The following CATSPERE variants were observed in gnomAD, a reference collection of about 807,000 sequenced individuals.
The protein encoded by CATSPERE is cation channel sperm-associated auxiliary subunit epsilon.
A neutral mutation model predicts 114.1 loss-of-function variants in CATSPERE; 93 were observed. The ratio of observed to expected loss-of-function variants is 0.81; its 90% CI spans 0.69 to 0.97. The LOEUF is 0.97. CATSPERE is among the 50% of genes least tolerant of loss of function. The probability of loss-of-function intolerance (pLI) is 0.00; values close to 1 mark genes in which losing one functional copy is unlikely to be tolerated. For synonymous variants in CATSPERE, 341 were observed against 384.1 expected, an observed-to-expected ratio of 0.89 and a Z score of 1.31; for missense variants, 1,058 against 1,131.6, an observed-to-expected ratio of 0.93 and a Z score of 0.93.
chr1:244,460,447 T>C (rs1192173339), upstream of CATSPERE, among the ~76,000 whole-genome samples: 2 of 152,100 alleles, frequency 1.3e-5, no homozygotes, highest in African/African-American at 4.8e-5. Flanking sequence ...CAGCTTCTAC[T>C]CCCTATGATT....
Position 244,515,436 on chromosome 1 carries a change from C to G in CATSPERE, c.430-3156C>G, listed in dbSNP as rs3003282. 3.2e-3 allele frequency: 1,263 copies of G among 390,140 alleles called. 14 individuals carry two copies. The highest frequency in any genetic ancestry group is 0.025 in the African/African-American group (1,142 of 45,822). The allele number at this position is 390,140 out of a possible 1,614,324, so 24.2% of individuals were successfully genotyped here. A position where few individuals can be genotyped will look rare whatever the true frequency, so the allele number is the denominator to read the frequency against. ...GAACATATTGGTTTGAAGTGCTTCTCAGACAACTGGAAGTCACGATTAATA... is the reference window on the plus strand; with the variant it reads ...GAACATATTGGTTTGAAGTGCTTCTGAGACAACTGGAAGTCACGATTAATA... On this transcript the variant is annotated intron_variant, in intron 7 of 21. Coordinates refer to ENST00000366534, the MANE Select transcript of CATSPERE (RefSeq NM_001130957.2).
intron 4 of CATSPERE, among the ~76,000 whole-genome samples, chr1:244,478,215 TA>T (rs929677078): frequency 3.3e-5 from 5 of 152,224 alleles, no homozygotes; most frequent in African/African-American, 1.2e-4. Flanking sequence ...TTTTTATTAC[TA>T]AGTATGTTAA....
chr1:244,485,912 T>C (rs1670937240), intron 5 of CATSPERE, among the ~76,000 whole-genome samples: 1 of 151,846 alleles, frequency 6.6e-6, no homozygotes, highest in Non-Finnish European at 1.5e-5. Flanking sequence ...CCCAAGGTAG[T>C]CTCAAGCTGT....
At position 244,595,758 on chromosome 1, in the gene CATSPERE, T is replaced by C. The variant is rs11800297; in HGVS notation, c.2303+2180T>C. On this transcript the variant is annotated intron_variant, in intron 17 of 21. Transcript: ENST00000366534. ...CATCCTGGCTAACACAGTGAAACCCTGTCTCTACTAAAAATACAAAAAAAA... is the reference window on the plus strand; with the variant it reads ...CATCCTGGCTAACACAGTGAAACCCCGTCTCTACTAAAAATACAAAAAAAA... Among the ~76,000 whole-genome samples the C allele has an allele frequency of 7.2e-3, 1,093 of 152,154 alleles. 4 individuals are homozygous for C. The highest frequency in any genetic ancestry group is 9.2e-3 in the Non-Finnish European group (624 of 67,980).
chr1:244,504,799 G>A lies in CATSPERE; in HGVS notation c.429+5720G>A, dbSNP rs1392912715. Among the ~76,000 whole-genome samples, 4 of 152,194 alleles carry A rather than the reference G, an allele frequency of 2.6e-5. No individual in the cohort carries two copies. The highest frequency in any genetic ancestry group is 7.2e-5 in the African/African-American group (3 of 41,444). ...ATGATGTGTCGCTGCTGATGTTTGC[G>A]TTCATCACCTGGCTTGTGATTGTGA... On this transcript the variant is annotated intron_variant, in intron 7 of 21. Coordinates refer to ENST00000366534, the MANE Select transcript of CATSPERE (RefSeq NM_001130957.2). This position sits in a 1 kb window ranked among gnomAD's most constrained non-coding sequence, Gnocchi z 4.1.
intron 8 of CATSPERE, among the ~76,000 whole-genome samples, chr1:244,521,329 A>G (rs1251118233): frequency 6.6e-6 from 1 of 152,160 alleles, no homozygotes; most frequent in Admixed American, 6.5e-5. Context: ...ACTCCAGCCT[A>G]GGTAATAGAG....
intron 17 of CATSPERE, among the ~76,000 whole-genome samples, chr1:244,600,312 A>G (rs1669015306): frequency 1.3e-5 from 2 of 151,796 alleles, no homozygotes; most frequent in African/African-American, 4.8e-5. Flanking sequence ...TGTGAGGCCA[A>G]GAGGCTCTTT....
intron 6 of CATSPERE, among the ~76,000 whole-genome samples, chr1:244,493,297 A>T (rs527408767): frequency 2.6e-5 from 4 of 152,240 alleles, no homozygotes; most frequent in African/African-American, 9.6e-5. Context: ...ATACTGCCAC[A>T]TATCTACAAC....
intron 7 of CATSPERE, among the ~76,000 whole-genome samples, chr1:244,513,594 T>C (rs1410599906): frequency 6.6e-6 from 1 of 152,160 alleles, no homozygotes; most frequent in Non-Finnish European, 1.5e-5. Flanking sequence ...AGGTCTGGCC[T>C]ATCATCATGA....
chr1:244,492,467 G>C (rs1450424742), intron 6 of CATSPERE, among the ~76,000 whole-genome samples: 2 of 148,250 alleles, frequency 1.3e-5, no homozygotes, highest in Non-Finnish European at 3.0e-5. Flanking sequence ...AGCTATCTAT[G>C]ACAAACCCAC....
intron 7 of CATSPERE, among the ~76,000 whole-genome samples, chr1:244,507,615 A>G (rs926544529): frequency 3.3e-5 from 5 of 152,118 alleles, no homozygotes; most frequent in Non-Finnish European, 7.4e-5. Flanking sequence ...TTATAGTTTC[A>G]TGTCTTACCT....
At chr1:244,595,563 C>T (rs1164216866) in intron 17 of CATSPERE, among the ~76,000 whole-genome samples, 1 of 152,118 alleles carries the variant, frequency 6.6e-6, no homozygotes, top group Non-Finnish European at 1.5e-5. Context: ...GGAGAAGAGG[C>T]CAGGAAGCTA....
At chr1:244,611,898 G>A (rs760660628) in intron 19 of CATSPERE, among the ~76,000 whole-genome samples, 2 of 152,132 alleles carry the variant, frequency 1.3e-5, no homozygotes, top group African/African-American at 4.8e-5. Flanking sequence ...TCAAACTTTA[G>A]CATACATCAG....
At chr1:244,529,352 T>C (rs1450319600) in intron 8 of CATSPERE, among the ~76,000 whole-genome samples, 1 of 152,186 alleles carries the variant, frequency 6.6e-6, no homozygotes. Flanking sequence ...TTGGATGAAA[T>C]CCATCTTAAC....
chr1:244,593,293 C>A, intron 15 of CATSPERE, 102 bp from the exon 16 acceptor site: 1 of 1,114,808 alleles, frequency 9.0e-7, no homozygotes. Flanking sequence ...TTATATTTAT[C>A]TGTTTGACCT....
At chr1:244,526,077 T>C (rs1387603777) in intron 8 of CATSPERE, among the ~76,000 whole-genome samples, 2 of 152,168 alleles carry the variant, frequency 1.3e-5, no homozygotes, top group Non-Finnish European at 2.9e-5. Flanking sequence ...AGTGAGTGGG[T>C]AGCCAACGTA....
chr1:244,470,816 G>C (rs776319679), intron 2 of CATSPERE, among the ~76,000 whole-genome samples: 45 of 152,116 alleles, frequency 3.0e-4, no homozygotes, highest in Admixed American at 5.2e-4. Context: ...TTATATAATG[G>C]AACATTACTT....
upstream of CATSPERE, among the ~76,000 whole-genome samples, chr1:244,454,125 C>T (rs553330766): frequency 1.3e-5 from 2 of 152,200 alleles, no homozygotes; most frequent in South Asian, 4.2e-4. Flanking sequence ...GTCCAGCAGA[C>T]CTAACTCAAA....
rs113714849 is a variant in CATSPERE at position 244,633,624 on chromosome 1, G to A, written c.2649-1865G>A. Among the ~76,000 whole-genome samples the A allele has an allele frequency of 1.6e-3, 243 of 151,854 alleles. No individual in the cohort carries two copies. The highest frequency in any genetic ancestry group is 5.4e-3 in the African/African-American group (223 of 41,408). On this transcript the variant is annotated intron_variant, in intron 20 of 21. Transcript: ENST00000366534. This position sits in a 1 kb window ranked among gnomAD's most constrained non-coding sequence, Gnocchi z 4.1. ...GACACATGTGCAGGCATGAGCACAC[G>A]CATGCACACACACACACACGCACAC...
Sources: gnomAD v4.1 joint callset for allele counts (sites outside exome capture counted in the v4.1 genomes callset) on GRCh38, gnomAD v4.1.1 for gene constraint, Gnocchi (gnomAD v3.1) non-coding constraint, MANE v1.5 for transcripts, NCBI Gene and HGNC (gene_info 2026-07-23, HGNC 2026-07-21) for gene names.